TMEM266: variants seen among roughly 807,000 people sequenced by gnomAD.
The protein encoded by TMEM266 is Hv1 related protein 1.
A neutral mutation model predicts 50.5 loss-of-function variants in TMEM266; 33 were observed. That is an observed-to-expected ratio of 0.65 (90% CI 0.50 to 0.87). The LOEUF is 0.87. Among genes scored for constraint, TMEM266 ranks in the 40% least tolerant of loss-of-function variants. TMEM266 has a pLI of 0.00. For synonymous variants in TMEM266, 310 were observed against 292.3 expected, an observed-to-expected ratio of 1.06 and a Z score of -0.62; for missense variants, 655 against 695.1, an observed-to-expected ratio of 0.94 and a Z score of 0.65.
Position 76,146,792 on chromosome 15 carries a change from C to T in TMEM266, c.227+8897C>T, listed in dbSNP as rs761084267. ...AGGGCCACAGCCTCCAGAAAGTCTTCTCTCCTCTAACCCCACCAGGCTAGG... is the reference window on the plus strand; with the variant it reads ...AGGGCCACAGCCTCCAGAAAGTCTTTTCTCCTCTAACCCCACCAGGCTAGG... On this transcript the variant is annotated intron_variant, in intron 3 of 10. Transcript: ENST00000388942. 5.8e-4 allele frequency among the ~76,000 whole-genome samples: 88 copies of T among 152,354 alleles called. 1 individual carries two copies. Among genetic ancestry groups the T allele is most frequent in the Admixed American group, 3.1e-3 (48 of 15,312 alleles).
At chr15:76,155,030 G>T (rs2037904414) in intron 3 of TMEM266, among the ~76,000 whole-genome samples, 1 of 152,252 alleles carries the variant, frequency 6.6e-6, no homozygotes, top group African/African-American at 2.4e-5. Context: ...CATTTCAGCT[G>T]CATTGTCTTT....
intron 1 of TMEM266, among the ~76,000 whole-genome samples, chr15:76,115,454 G>C (rs2037232515): frequency 6.6e-6 from 1 of 152,198 alleles, no homozygotes; most frequent in South Asian, 2.1e-4. Context: ...CAGCTCTTCT[G>C]CTCTGGCCCT....
chr15:76,121,812 G>T (rs886420668), intron 1 of TMEM266, among the ~76,000 whole-genome samples: 1 of 152,200 alleles, frequency 6.6e-6, no homozygotes, highest in African/African-American at 2.4e-5. Context: ...GAAGTTTACA[G>T]CTCACAAAAC....
intron 1 of TMEM266, among the ~76,000 whole-genome samples, chr15:76,127,392 T>C (rs982467560): frequency 2.7e-5 from 4 of 150,478 alleles, no homozygotes; most frequent in Non-Finnish European, 5.9e-5. Flanking sequence ...AGTGGCTCAA[T>C]CATAGCTCAC....
At chr15:76,119,414 AAAAG>A (rs2037305559) in intron 1 of TMEM266, among the ~76,000 whole-genome samples, 1 of 148,102 alleles carries the variant, frequency 6.8e-6, no homozygotes, top group African/African-American at 2.5e-5. Flanking sequence ...AAAAAAAAAG[AAAAG>A]AAAAGAAAAT....
chr15:76,111,748 C>A lies in TMEM266; in HGVS notation c.-96-22420C>A, dbSNP rs114973633. 4.4e-3 allele frequency among the ~76,000 whole-genome samples: 664 copies of A among 152,304 alleles called. 5 individuals carry two copies. Among genetic ancestry groups the A allele is most frequent in the African/African-American group, 0.015 (620 of 41,552 alleles). ...TCTTACAAATCTGAACATACTCTTA[C>A]CATATGAGCTAGTAATTACACTCCT... On this transcript the variant is annotated intron_variant, in intron 1 of 10. Coordinates refer to ENST00000388942, the MANE Select transcript of TMEM266 (RefSeq NM_152335.3).
At chr15:76,117,632 A>C (rs1480045698) in intron 1 of TMEM266, among the ~76,000 whole-genome samples, 3 of 152,116 alleles carry the variant, frequency 2.0e-5, no homozygotes, top group Non-Finnish European at 4.4e-5. Context: ...AATTGAAGGG[A>C]GATAAGAAAG....
intron 1 of TMEM266, chr15:76,114,087 A>G (rs1252447061): frequency 6.6e-6 from 1 of 152,146 alleles, no homozygotes; most frequent in Non-Finnish European, 1.5e-5. Flanking sequence ...ACCAATTTTT[A>G]CCTTATCTAC....
At position 76,161,002 on chromosome 15, in the gene TMEM266, G is replaced by A. The variant is rs2038010194; in HGVS notation, c.456+834G>A. Among the ~76,000 whole-genome samples, 1 of 152,172 alleles carries A rather than the reference G, an allele frequency of 6.6e-6. No individual in the cohort carries two copies. Among genetic ancestry groups the A allele is most frequent in the Non-Finnish European group, 1.5e-5 (1 of 68,024 alleles). On this transcript the variant is annotated intron_variant, in intron 5 of 10. Coordinates refer to ENST00000388942, the MANE Select transcript of TMEM266 (RefSeq NM_152335.3). This position sits in a 1 kb window ranked among gnomAD's most constrained non-coding sequence, Gnocchi z 4.1. ...GTGTGGGAGGAATTGGCTTGGTCCTGCTGCAGGCAGGGTTTTATCCTGTCC... is the reference window on the plus strand; with the variant it reads ...GTGTGGGAGGAATTGGCTTGGTCCTACTGCAGGCAGGGTTTTATCCTGTCC...
intron 9 of TMEM266, among the ~76,000 whole-genome samples, chr15:76,193,791 G>T (rs762426640): frequency 2.2e-4 from 34 of 152,266 alleles, no homozygotes; most frequent in Non-Finnish European, 1.2e-4. Flanking sequence ...TGGGTTTCAC[G>T]CACAGGCAGT....
intron 1 of TMEM266, among the ~76,000 whole-genome samples, chr15:76,062,030 T>C (rs931314231): frequency 2.1e-5 from 3 of 140,570 alleles, no homozygotes; most frequent in Non-Finnish European, 4.4e-5. Flanking sequence ...TATTTAATCA[T>C]TTTTTTAAAG....
chr15:76,089,737 C>T (rs1279606836), intron 1 of TMEM266, among the ~76,000 whole-genome samples: 1 of 152,086 alleles, frequency 6.6e-6, no homozygotes, highest in African/African-American at 2.4e-5. Context: ...GGCAAGGGCA[C>T]AGGCGAGGGC....
intron 1 of TMEM266, among the ~76,000 whole-genome samples, chr15:76,069,529 C>A (rs2036502640): frequency 2.0e-5 from 3 of 152,090 alleles, no homozygotes; most frequent in South Asian, 2.1e-4. Flanking sequence ...CAGAAACATA[C>A]CCTGGTGGGC....
chr15:76,166,685 T>G (rs1372395644), intron 5 of TMEM266, among the ~76,000 whole-genome samples: 1 of 152,228 alleles, frequency 6.6e-6, no homozygotes, highest in Non-Finnish European at 1.5e-5. Context: ...CTCTGCCTTT[T>G]CAGCTAAGAA....
intron 1 of TMEM266, among the ~76,000 whole-genome samples, chr15:76,078,536 A>C: frequency 6.6e-6 from 1 of 152,210 alleles, no homozygotes; most frequent in Admixed American, 6.5e-5. Context: ...ATGAAAATTG[A>C]TACACAGCCT....
intron 7 of TMEM266, among the ~76,000 whole-genome samples, chr15:76,173,040 G>T (rs555268640): frequency 6.6e-6 from 1 of 152,156 alleles, no homozygotes; most frequent in Non-Finnish European, 1.5e-5. Flanking sequence ...AGAGAGACGT[G>T]CTGGTGAACA....
At chr15:76,130,308 C>T (rs1007650686) in intron 1 of TMEM266, among the ~76,000 whole-genome samples, 4 of 132,246 alleles carry the variant, frequency 3.0e-5, no homozygotes, top group Admixed American at 8.3e-5. Context: ...GAGGCCGAGG[C>T]GGTTGGCTCA....
chr15:76,102,685 A>G (rs1174891225), intron 1 of TMEM266, among the ~76,000 whole-genome samples: 2 of 152,018 alleles, frequency 1.3e-5, no homozygotes, highest in African/African-American at 4.8e-5. Context: ...CTAAAAATAC[A>G]AAAATTAGCC....
chr15:76,111,026 C>T (rs1487770332), intron 1 of TMEM266, among the ~76,000 whole-genome samples: 1 of 151,762 alleles, frequency 6.6e-6, no homozygotes, highest in Non-Finnish European at 1.5e-5. Context: ...CTCTCATTCA[C>T]TGCTGATGGG....
Sources: gnomAD v4.1 joint callset for allele counts (sites outside exome capture counted in the v4.1 genomes callset) on GRCh38, gnomAD v4.1.1 for gene constraint, Gnocchi (gnomAD v3.1) non-coding constraint, MANE v1.5 for transcripts, NCBI Gene and HGNC (gene_info 2026-07-23, HGNC 2026-07-21) for gene names.